Variants in SULT6B1 observed in about 807,000 individuals in gnomAD.
SULT6B1 encodes the protein sulfotransferase family 6B member 1, also known as sulfotransferase 6B1.
In SULT6B1, 44 loss-of-function variants were observed where a neutral mutation model predicts 37.2. That is an observed-to-expected ratio of 1.18 (90% CI 0.93 to 1.52). SULT6B1 has a LOEUF of 1.52. Among genes scored for constraint, SULT6B1 ranks in the 40% most tolerant of loss-of-function variants. SULT6B1 has a pLI of 0.00. For missense variants in SULT6B1, 450 were observed against 361.0 expected, an observed-to-expected ratio of 1.25 and a Z score of -2.00; for synonymous variants, 140 against 126.0, an observed-to-expected ratio of 1.11 and a Z score of -0.74.
At chr2:37,175,855 G>T (rs1355400198) in intron 4 of SULT6B1, among the ~76,000 whole-genome samples, 1 of 152,162 alleles carries the variant, frequency 6.6e-6, no homozygotes, top group Non-Finnish European at 1.5e-5. Flanking sequence ...AATACTTGAT[G>T]TATATTTAGA....
At chr2:37,174,782 A>G (rs1326920357) in intron 5 of SULT6B1, among the ~76,000 whole-genome samples, 1 of 95,468 alleles carries the variant, frequency 1.0e-5, no homozygotes, top group Admixed American at 1.4e-4. Flanking sequence ...TCAATAAACA[A>G]TTTTTAAAAA....
rs777300567 is a variant in SULT6B1, at chr2:37,168,003, A to G, written c.844T>C (p.Phe282Leu). ...EIQNQEMDEK[F>L]KECLAGTSLG... ...GAGGTGCCTGCTAAGCACTCTTTGA[A>G]TTTTTCATCCATTTCCTGGTTCTGA... Residue 282 changes from phenylalanine to leucine, a missense_variant, in exon 7 of 7, where the codon TTC becomes CTC. Phe to Leu is a conservative substitution (Grantham distance 22). Transcript: ENST00000535679. 20 of 1,602,338 alleles carry G rather than the reference A, an allele frequency of 1.2e-5. No homozygotes were observed. Among genetic ancestry groups the G allele is most frequent in the Non-Finnish European group, 1.7e-5 (20 of 1,177,510 alleles).
intron 1 of SULT6B1, 67 bp downstream of exon 1, chr2:37,188,375 T>A: frequency 7.3e-7 from 1 of 1,374,668 alleles, no homozygotes; most frequent in Non-Finnish European, 1.0e-6. Context: ...ATCCCACCTT[T>A]GTCTCATACC....
chr2:37,190,871 C>G (rs1676766943), upstream of SULT6B1, among the ~76,000 whole-genome samples: 1 of 152,000 alleles, frequency 6.6e-6, no homozygotes, highest in Non-Finnish European at 1.5e-5. Context: ...GTTTGCGACT[C>G]CCCCTAAGCA....
chr2:37,175,328 G>T, intron 4 of SULT6B1, 102 bp from the exon 5 acceptor site: 1 of 484,828 alleles, frequency 2.1e-6, no homozygotes, highest in Non-Finnish European at 3.5e-6. Context: ...ATGTGTATAT[G>T]CTCGAGATAT....
intron 4 of SULT6B1, among the ~76,000 whole-genome samples, chr2:37,176,244 T>A (rs1281799704): frequency 2.0e-5 from 3 of 149,090 alleles, no homozygotes; most frequent in Non-Finnish European, 4.4e-5. Flanking sequence ...GCCTGCTTCA[T>A]AGTAACACGC....
At chr2:37,181,461 A>T (rs11894553) in intron 3 of SULT6B1, among the ~76,000 whole-genome samples, 1 of 152,136 alleles carries the variant, frequency 6.6e-6, no homozygotes, top group East Asian at 1.9e-4. Context: ...ACTCACTGCA[A>T]CCTCTGCCTC....
chr2:37,172,756 C>T (rs1676333029), intron 5 of SULT6B1, among the ~76,000 whole-genome samples: 1 of 152,230 alleles, frequency 6.6e-6, no homozygotes, highest in Non-Finnish European at 1.5e-5. Flanking sequence ...GATCCACCCG[C>T]CTTGGCCTCC....
intron 1 of SULT6B1, among the ~76,000 whole-genome samples, chr2:37,187,766 A>G (rs1464229289): frequency 6.6e-6 from 1 of 152,148 alleles, no homozygotes; most frequent in Non-Finnish European, 1.5e-5. Flanking sequence ...TTATAGAAAT[A>G]GTTTATTATA....
chr2:37,184,547 G>C (rs189873170), intron 2 of SULT6B1, among the ~76,000 whole-genome samples: 3 of 152,316 alleles, frequency 2.0e-5, no homozygotes, highest in African/African-American at 7.2e-5. Context: ...CTTACTGCTT[G>C]GTTGCAGCTA....
intron 4 of SULT6B1, among the ~76,000 whole-genome samples, chr2:37,176,260 C>CTTTTTTTTTTT (rs34578951): frequency 8.9e-6 from 1 of 112,590 alleles, no homozygotes; most frequent in Non-Finnish European, 1.7e-5. Flanking sequence ...CACGCAATAG[C>CTTTTTTTTTTT]TTTTTTTTTT....
upstream of SULT6B1, among the ~76,000 whole-genome samples, chr2:37,193,643 A>AAGAAGG (rs1553345893): frequency 3.2e-4 from 42 of 132,498 alleles, no homozygotes; most frequent in African/African-American, 7.9e-4. Context: ...GAAGAAGAAG[A>AAGAAGG]AGAAGAAGGA....
upstream of SULT6B1, among the ~76,000 whole-genome samples, chr2:37,193,642 G>T (rs143648033): frequency 5.7e-3 from 856 of 150,286 alleles, 20 homozygotes; most frequent in East Asian, 0.078. Context: ...AGAAGAAGAA[G>T]AAGAAGAAGG....
intron 1 of SULT6B1, among the ~76,000 whole-genome samples, chr2:37,194,965 T>C (rs960466874): frequency 5.8e-5 from 8 of 137,414 alleles, no homozygotes; most frequent in Non-Finnish European, 9.4e-5. Flanking sequence ...TCCTTCCATT[T>C]TTGAGACACA....
rs566728297 is a variant in SULT6B1, at chr2:37,177,284, G to A, written c.530-2058C>T. Among the ~76,000 whole-genome samples, 49 of 151,836 alleles carry A rather than the reference G, an allele frequency of 3.2e-4. No homozygotes were observed. The South Asian group carries it at 7.9e-3, about 25-fold the overall frequency. ...TACAAAAAGAAAAAAAATCAGCTGCGCATGGTGGTAAGTGCCTGTGGTCCC... is the reference window on the plus strand; with the variant it reads ...TACAAAAAGAAAAAAAATCAGCTGCACATGGTGGTAAGTGCCTGTGGTCCC... On this transcript the variant is annotated intron_variant, in intron 4 of 6. Coordinates refer to ENST00000535679, the MANE Select transcript of SULT6B1 (RefSeq NM_001367551.1).
intron 2 of SULT6B1, 61 bp downstream of exon 2, chr2:37,187,294 C>G: frequency 8.5e-7 from 1 of 1,181,318 alleles, no homozygotes; most frequent in Non-Finnish European, 1.2e-6. Context: ...AAAGAATCTC[C>G]AAACCGGAAG....
intron 2 of SULT6B1, among the ~76,000 whole-genome samples, chr2:37,185,850 G>C (rs1221194644): frequency 6.6e-6 from 1 of 152,076 alleles, no homozygotes; most frequent in Non-Finnish European, 1.5e-5. Flanking sequence ...GAAGTCTATG[G>C]GGCTTTTCCT....
chr2:37,179,320 T>A, intron 4 of SULT6B1, 138 bp downstream of exon 4: 1 of 1,074,848 alleles, frequency 9.3e-7, no homozygotes, highest in Admixed American at 2.3e-5. Context: ...AATGGTGCTA[T>A]GACCGTTCAT....
rs1165261906 is a variant in SULT6B1 at position 37,171,530 on chromosome 2, G to A, written c.685C>T (p.Gln229Ter). ...EFLGFFLTGE[Q>*]IQTISVQSTF... is the part of the protein sequence containing the mutation. ...CTCTGGACTGAGATAGTTTGAATTTGCTCCCCAGTTAGAAAGAATCCCAAG... is the reference window on the plus strand; with the variant it reads ...CTCTGGACTGAGATAGTTTGAATTTACTCCCCAGTTAGAAAGAATCCCAAG... The change falls in exon 6 of 7, where the codon CAA (glutamine) becomes TAA (stop). Residue 229 changes from glutamine to a stop codon, truncating the protein, a stop_gained. Coordinates refer to ENST00000535679, the MANE Select transcript of SULT6B1 (RefSeq NM_001367551.1). LOFTEE classifies it high-confidence loss of function. 1 of 1,614,114 alleles carries A rather than the reference G, an allele frequency of 6.2e-7. No individual in the cohort carries two copies. The highest frequency in any genetic ancestry group is 8.5e-7 in the Non-Finnish European group (1 of 1,180,010).
Sources: allele counts gnomAD v4.1 joint callset (sites outside exome capture counted in the v4.1 genomes callset), GRCh38; gene constraint gnomAD v4.1.1; transcripts MANE v1.5; gene names NCBI Gene and HGNC (gene_info 2026-07-23, HGNC 2026-07-21).